Variants in NRG1 observed in about 807,000 individuals in gnomAD.
NRG1 encodes pro-neuregulin-1, membrane-bound isoform.
A neutral mutation model predicts 63.8 loss-of-function variants in NRG1; 18 were observed. The observed-to-expected ratio is 0.28, with a 90% CI of 0.19 to 0.42. NRG1 has a LOEUF of 0.42. Among genes scored for constraint, NRG1 ranks in the 10% least tolerant of loss-of-function variants. NRG1 has a pLI of 1.00. For synonymous variants in NRG1, 302 were observed against 301.3 expected, an observed-to-expected ratio of 1.00 and a Z score of -0.02; for missense variants, 762 against 814.7, an observed-to-expected ratio of 0.94 and a Z score of 0.79.
At chr8:32,470,171 C>A (rs1823635625) in intron 1 of NRG1, among the ~76,000 whole-genome samples, 1 of 146,792 alleles carries the variant, frequency 6.8e-6, no homozygotes, top group Non-Finnish European at 1.5e-5. Flanking sequence ...CTGAGCCCGG[C>A]CGAAAAGGAC....
At chr8:32,620,751 G>T (rs1441426300) in intron 5 of NRG1, among the ~76,000 whole-genome samples, 1 of 152,020 alleles carries the variant, frequency 6.6e-6, no homozygotes, top group African/African-American at 2.4e-5. Flanking sequence ...GAGCCCGGGA[G>T]TTTGAGGCTG....
chr8:32,289,075 TTGTCTCTTTAATTTTC>T (rs1853886283), intron 1 of NRG1, among the ~76,000 whole-genome samples: 1 of 152,238 alleles, frequency 6.6e-6, no homozygotes, highest in South Asian at 2.1e-4. Context: ...GTTATAGATT[TTGTCTCTTTAATTTTC>T]TGTCTCTTGA....
intron 1 of NRG1, among the ~76,000 whole-genome samples, chr8:31,656,277 C>T (rs1805426281): frequency 6.6e-6 from 1 of 152,174 alleles, no homozygotes; most frequent in South Asian, 2.1e-4. Flanking sequence ...GTGGCTGCTG[C>T]ATCTGTGTCC....
intron 1 of NRG1, among the ~76,000 whole-genome samples, chr8:32,280,680 G>GTTTTTTTTTTTTTTTTTTTTTTT (rs1235833561): frequency 1.9e-5 from 1 of 53,722 alleles, no homozygotes; most frequent in Non-Finnish European, 3.5e-5. Context: ...ACTGAATTAG[G>GTTTTTTTTTTTTTTTTTTTTTTT]TTTTTTTTTT....
intron 1 of NRG1, among the ~76,000 whole-genome samples, chr8:32,380,798 C>T (rs1446500445): frequency 6.6e-6 from 1 of 152,050 alleles, no homozygotes; most frequent in African/African-American, 2.4e-5. Context: ...AATAAATGTC[C>T]ATAGTTTTGG....
downstream of NRG1, among the ~76,000 whole-genome samples, chr8:32,771,121 TG>T (rs1370553148): frequency 1.3e-5 from 2 of 152,062 alleles, no homozygotes; most frequent in Non-Finnish European, 2.9e-5. Flanking sequence ...GTTTTGGTTT[TG>T]TTTTCTGAGA....
At chr8:32,365,675 A>G (rs1000606932) in intron 1 of NRG1, among the ~76,000 whole-genome samples, 2 of 152,160 alleles carry the variant, frequency 1.3e-5, no homozygotes, top group Admixed American at 6.5e-5. Flanking sequence ...GCAGCTACTC[A>G]ACTCTGGCCT....
chr8:32,180,087 C>T (rs1291938499), intron 1 of NRG1, among the ~76,000 whole-genome samples: 1 of 152,072 alleles, frequency 6.6e-6, no homozygotes, highest in Non-Finnish European at 1.5e-5. Context: ...CAGTTTTTGT[C>T]AGGTAAAAAT....
intron 1 of NRG1, among the ~76,000 whole-genome samples, chr8:31,841,186 T>G (rs868502684): frequency 1.3e-5 from 2 of 149,876 alleles, no homozygotes; most frequent in Non-Finnish European, 3.0e-5. Context: ...CAATGATTGA[T>G]GAAACAGAGT....
At chr8:31,682,518 G>A (rs936399634) in intron 1 of NRG1, among the ~76,000 whole-genome samples, 2 of 152,218 alleles carry the variant, frequency 1.3e-5, no homozygotes, top group Middle Eastern at 3.4e-3. Context: ...AAGTCGATTT[G>A]CTGTTTTGAT....
At chr8:31,856,613 C>T (rs990256613) in intron 1 of NRG1, among the ~76,000 whole-genome samples, 6 of 152,292 alleles carry the variant, frequency 3.9e-5, no homozygotes, top group South Asian at 2.1e-4. Context: ...TCTCTCCGCT[C>T]GTCAAAGTCA....
At position 31,934,245 on chromosome 8, in the gene NRG1, C is replaced by T. The variant is rs1466603019; in HGVS notation, c.37+294814C>T. 4.0e-5 allele frequency among the ~76,000 whole-genome samples: 6 copies of T among 151,860 alleles called. No individual in the cohort carries two copies. The East Asian group carries it at 5.8e-4, about 15-fold the overall frequency. On this transcript the variant is annotated intron_variant, in intron 1 of 10. Coordinates refer to the NRG1 transcript ENST00000519301. ...CTGTTCCCTGCCTCCATGTGGCTTA[C>T]GTACACTTGCTAATGAGAAAGGAGC...
At chr8:32,624,641 A>G (rs1377767648) in intron 5 of NRG1, among the ~76,000 whole-genome samples, 1 of 152,186 alleles carries the variant, frequency 6.6e-6, no homozygotes, top group Non-Finnish European at 1.5e-5. Flanking sequence ...CATTTTTTTA[A>G]AAGACTCATT....
At chr8:32,227,891 T>C (rs192880916) in intron 1 of NRG1, among the ~76,000 whole-genome samples, 136 of 152,320 alleles carry the variant, frequency 8.9e-4, no homozygotes, top group African/African-American at 3.0e-3. Context: ...TATCCTAAAA[T>C]CTGTTCAGAA....
rs975581398 is a variant in NRG1, at chr8:32,610,707, A to T, written c.401-3807A>T. On this transcript the variant is annotated intron_variant, in intron 3 of 11. Transcript: ENST00000356819. The stretch of plus-strand genomic sequence containing the variant: ...TCCAATGCCTTTCAACCCCTACTTT[A>T]TTCAGAATTAGAGAAAGTAATTTAT... Among the ~76,000 whole-genome samples, 9 of 152,154 alleles carry T rather than the reference A, an allele frequency of 5.9e-5. No homozygotes were observed. The South Asian group carries it at 6.2e-4, about 10-fold the overall frequency.
At chr8:32,598,407 G>A (rs1843735811) in intron 2 of NRG1, among the ~76,000 whole-genome samples, 1 of 152,052 alleles carries the variant, frequency 6.6e-6, no homozygotes, top group Non-Finnish European at 1.5e-5. Context: ...ATAGGCTTTA[G>A]AAAAGGTACA....
At position 31,828,852 on chromosome 8, in the gene NRG1, A is replaced by G. The variant is rs542968542; in HGVS notation, c.37+189421A>G. ...CTGGCTATCTTGCAGATGAATTCTA[A>G]TATCTACTAGTCAGTAGAATGCATT... On this transcript the variant is annotated intron_variant, in intron 1 of 10. Coordinates refer to the NRG1 transcript ENST00000519301. Among the ~76,000 whole-genome samples, 18 of 152,352 alleles carry G rather than the reference A, an allele frequency of 1.2e-4. No individual in the cohort carries two copies. In the South Asian group the frequency reaches 3.7e-3, roughly 32 times the overall value.
intron 1 of NRG1, among the ~76,000 whole-genome samples, chr8:32,294,231 G>T (rs1022810230): frequency 6.6e-6 from 1 of 151,846 alleles, no homozygotes; most frequent in African/African-American, 2.4e-5. Context: ...GCAGGTGTCC[G>T]AAACAATGGG....
intron 1 of NRG1, among the ~76,000 whole-genome samples, chr8:32,539,263 C>T (rs1156318536): frequency 6.6e-6 from 1 of 152,110 alleles, no homozygotes; most frequent in Admixed American, 6.6e-5. Context: ...ACAAGATAAT[C>T]GCTCTATTTT....
Sources: gnomAD v4.1 joint callset for allele counts (sites outside exome capture counted in the v4.1 genomes callset) on GRCh38, gnomAD v4.1.1 for gene constraint, MANE v1.5 for transcripts, NCBI Gene and HGNC (gene_info 2026-07-23, HGNC 2026-07-21) for gene names.